The following PDE3B variants were observed in gnomAD, a reference collection of about 807,000 sequenced individuals.
The protein encoded by PDE3B is phosphodiesterase 3B.
In PDE3B, 66 loss-of-function variants were observed where a neutral mutation model predicts 116.8. The ratio of observed to expected loss-of-function variants is 0.56; its 90% CI spans 0.46 to 0.69. The LOEUF (loss-of-function observed/expected upper bound fraction) is 0.69, where lower values mean the gene tolerates loss of function less well. Ranked by LOEUF, PDE3B falls within the 30% of genes least tolerant of loss-of-function variation. The pLI, the probability that PDE3B is intolerant of heterozygous loss-of-function variation, is 0.00. For synonymous variants in PDE3B, 595 were observed against 533.6 expected, an observed-to-expected ratio of 1.12 and a Z score of -1.59; for missense variants, 1,384 against 1,368.1, an observed-to-expected ratio of 1.01 and a Z score of -0.18.
intron 1 of PDE3B, among the ~76,000 whole-genome samples, chr11:14,756,973 C>T (rs1401196314): frequency 8.1e-6 from 1 of 123,620 alleles, no homozygotes; most frequent in Admixed American, 9.6e-5. Context: ...CCACCACAGT[C>T]CCCAGAGTGT....
chr11:14,880,808 T>C, the PDE3B span: 568 of 1,550,794 alleles, frequency 3.7e-4, no homozygotes, highest in Non-Finnish European at 2.5e-4. Context: ...TTCCTACTTC[T>C]CTGTATCTAA....
At chr11:14,713,690 A>ACC (rs1855775356) in intron 1 of PDE3B, among the ~76,000 whole-genome samples, 2 of 125,960 alleles carry the variant, frequency 1.6e-5, no homozygotes, top group Non-Finnish European at 3.3e-5. Context: ...ATAATAAAAA[A>ACC]TCTTTACACA....
downstream of PDE3B, among the ~76,000 whole-genome samples, chr11:14,876,321 A>C (rs1848188791): frequency 6.6e-6 from 1 of 152,162 alleles, no homozygotes; most frequent in South Asian, 2.1e-4. Context: ...GTTCAAGACC[A>C]GCCTGGACAA....
chr11:14,732,350 T>G (rs983433836), intron 1 of PDE3B, among the ~76,000 whole-genome samples: 4 of 152,212 alleles, frequency 2.6e-5, no homozygotes, highest in African/African-American at 9.6e-5. Flanking sequence ...TAATAGGAGC[T>G]GTTAATGCCC....
the PDE3B span, among the ~76,000 whole-genome samples, chr11:14,893,302 C>G: frequency 8.7e-4 from 133 of 152,274 alleles, no homozygotes; most frequent in African/African-American, 3.1e-3. Flanking sequence ...ATAGAAAACG[C>G]CTGGTGGTTG....
intron 5 of PDE3B, among the ~76,000 whole-genome samples, chr11:14,814,887 C>T (rs529996480): frequency 7.3e-5 from 11 of 151,620 alleles, no homozygotes; most frequent in African/African-American, 2.4e-4. Flanking sequence ...GGCATGAACC[C>T]GGGAGGTGGA....
chr11:14,875,469 A>G (rs563642211), downstream of PDE3B, among the ~76,000 whole-genome samples: 2 of 152,328 alleles, frequency 1.3e-5, no homozygotes, highest in African/African-American at 4.8e-5. Context: ...TTAGATTTCT[A>G]ACATTTGAGT....
chr11:14,795,458 A>T (rs1431548040), intron 4 of PDE3B, among the ~76,000 whole-genome samples: 1 of 152,170 alleles, frequency 6.6e-6, no homozygotes, highest in Non-Finnish European at 1.5e-5. Context: ...GATTTATGTA[A>T]TTTCATTGAG....
chr11:14,787,458 T>C (rs1858244399), intron 3 of PDE3B, among the ~76,000 whole-genome samples: 2 of 151,970 alleles, frequency 1.3e-5, no homozygotes, highest in South Asian at 4.1e-4. Flanking sequence ...GTTAATTTTG[T>C]CAATTGTAAT....
chr11:14,665,778 A>G (rs1053275102), intron 1 of PDE3B, among the ~76,000 whole-genome samples: 5 of 152,334 alleles, frequency 3.3e-5, no homozygotes, highest in Non-Finnish European at 7.4e-5. Context: ...CAATGAAATA[A>G]AAGAGGATAC....
the PDE3B span, chr11:14,879,439 T>C: frequency 1.3e-6 from 2 of 1,599,744 alleles, no homozygotes; most frequent in Non-Finnish European, 1.7e-6. Context: ...CTTTCTGAAC[T>C]TGTCCTGTCA....
At chr11:14,896,854 T>C in the PDE3B span, among the ~76,000 whole-genome samples, 1 of 152,242 alleles carries the variant, frequency 6.6e-6, no homozygotes, top group Non-Finnish European at 1.5e-5. Flanking sequence ...AACATTCTTA[T>C]ATTGTGCTTC....
At chr11:14,885,594 T>C in the PDE3B span, among the ~76,000 whole-genome samples, 1 of 152,186 alleles carries the variant, frequency 6.6e-6, no homozygotes, top group East Asian at 1.9e-4. Flanking sequence ...GAATTAGCAA[T>C]GTACTGGTCT....
Position 14,786,418 on chromosome 11 carries a change from T to G in PDE3B, c.1030-19T>G, listed in dbSNP as rs1303946020. On this transcript the variant is annotated intron_variant, in intron 2 of 15. Transcript: ENST00000282096. ...TGCCATGTACAAATGAATGAAAATT[T>G]CACTTTTTTTCTTTCTAGAATTCTG... 1 of 1,598,762 alleles carries G rather than the reference T, an allele frequency of 6.3e-7. No individual in the cohort carries two copies.
At chr11:14,862,644 G>A (rs1847971817) in intron 14 of PDE3B, among the ~76,000 whole-genome samples, 3 of 152,102 alleles carry the variant, frequency 2.0e-5, no homozygotes, top group Admixed American at 2.0e-4. Flanking sequence ...CGCGATCTCG[G>A]CTCACTGCAA....
At chr11:14,759,353 C>G (rs1245216712) in intron 1 of PDE3B, among the ~76,000 whole-genome samples, 1 of 152,032 alleles carries the variant, frequency 6.6e-6, no homozygotes, top group East Asian at 1.9e-4. Flanking sequence ...GGTACCAGTT[C>G]CTCCTTGTAC....
chr11:14,715,579 A>G (rs745891332), intron 1 of PDE3B, among the ~76,000 whole-genome samples: 1 of 152,202 alleles, frequency 6.6e-6, no homozygotes, highest in Non-Finnish European at 1.5e-5. Context: ...ATTGGTGTAT[A>G]AGAATGCTTG....
At chr11:14,820,492 G>C (rs1021447729) in intron 7 of PDE3B, among the ~76,000 whole-genome samples, 1 of 152,114 alleles carries the variant, frequency 6.6e-6, no homozygotes, top group Non-Finnish European at 1.5e-5. Flanking sequence ...GAACATTTTG[G>C]GTGGGGGTGT....
At chr11:14,880,401 C>T in the PDE3B span, 5 of 1,613,418 alleles carry the variant, frequency 3.1e-6, no homozygotes, top group East Asian at 4.5e-5. Context: ...TTCTAAACAG[C>T]TGTTGATGTT....
Sources: gnomAD v4.1 joint callset for allele counts (sites outside exome capture counted in the v4.1 genomes callset) on GRCh38, gnomAD v4.1.1 for gene constraint, MANE v1.5 for transcripts, NCBI Gene and HGNC (gene_info 2026-07-23, HGNC 2026-07-21) for gene names.